WWP2: variants seen among roughly 807,000 people sequenced by gnomAD.
WWP2 encodes the protein WW domain containing E3 ubiquitin protein ligase 2, also known as NEDD4-like E3 ubiquitin-protein ligase WWP2.
WWP2 carries 57 observed loss-of-function variants against 121.0 expected under a neutral mutation model. The ratio of observed to expected loss-of-function variants is 0.47; its 90% CI spans 0.38 to 0.59. The LOEUF is 0.59. WWP2 is among the 20% of genes least tolerant of loss of function. WWP2 has a pLI of 0.00. For missense variants in WWP2, 962 were observed against 1,158.9 expected (o/e 0.83, Z 2.47); for synonymous variants, 449 against 441.3 (o/e 1.02, Z -0.22).
At chr16:69,860,319 A>T (rs1464310015) in intron 6 of WWP2, among the ~76,000 whole-genome samples, 2 of 152,176 alleles carry the variant, frequency 1.3e-5, no homozygotes, top group Non-Finnish European at 2.9e-5. Context: ...CATTCAACAG[A>T]TATTTCCTGA....
rs183123444 is a variant in WWP2 at position 69,852,522 on chromosome 16, C to T, written c.575+10402C>T. Among the ~76,000 whole-genome samples the T allele has an allele frequency of 2.0e-4, 31 of 152,324 alleles. 1 individual carries two copies. The highest frequency in any genetic ancestry group is 3.4e-3 in the Middle Eastern group (1 of 294). ...CTCCTGACCTCAGGTGATCCGCCCA[C>T]CTCGGCCTCCCAAAGTGCTGGGATT... is the stretch of plus-strand genomic sequence containing the variant. On this transcript the variant is annotated intron_variant, in intron 6 of 23. Coordinates refer to ENST00000359154, the MANE Select transcript of WWP2 (RefSeq NM_001270454.2).
At chr16:69,828,938 T>G (rs1168940014) in intron 4 of WWP2, among the ~76,000 whole-genome samples, 1 of 152,200 alleles carries the variant, frequency 6.6e-6, no homozygotes, top group African/African-American at 2.4e-5. Flanking sequence ...GGTGTTTCCC[T>G]GTGGTGTTCC....
intron 9 of WWP2, among the ~76,000 whole-genome samples, chr16:69,916,755 G>A (rs1391276969): frequency 6.6e-6 from 1 of 152,130 alleles, no homozygotes; most frequent in African/African-American, 2.4e-5. Context: ...GTGACAGCTG[G>A]TCATGAAGGT....
intron 4 of WWP2, among the ~76,000 whole-genome samples, chr16:69,821,398 A>G (rs1266999759): frequency 6.6e-6 from 1 of 152,186 alleles, no homozygotes; most frequent in African/African-American, 2.4e-5. Context: ...GAATGTTCCA[A>G]CAATCCTGCA....
At chr16:69,844,102 A>G (rs2057026481) in intron 6 of WWP2, among the ~76,000 whole-genome samples, 1 of 152,044 alleles carries the variant, frequency 6.6e-6, no homozygotes, top group Non-Finnish European at 1.5e-5. Context: ...TTAGAAGCAG[A>G]GATGCCATTT....
Position 69,837,471 on chromosome 16 carries a change from G to A in WWP2, c.341-2655G>A, listed in dbSNP as rs2056897755. Among the ~76,000 whole-genome samples the A allele has an allele frequency of 2.0e-5, 3 of 152,306 alleles. No individual in the cohort carries two copies. The South Asian group carries it at 6.2e-4, about 32-fold the overall frequency. On this transcript the variant is annotated intron_variant, in intron 4 of 23. Coordinates refer to ENST00000359154, the MANE Select transcript of WWP2 (RefSeq NM_001270454.2). ...CTGGAGACAATGAGTAGATAAACCA[G>A]ATAGAAGAGCTAACTTGGATCCCTG...
At chr16:69,829,876 A>G (rs78586868) in intron 4 of WWP2, among the ~76,000 whole-genome samples, 175 of 152,168 alleles carry the variant, frequency 1.2e-3, no homozygotes, top group African/African-American at 4.1e-3. Context: ...ATGTTACTTG[A>G]ACCTCCTGGG....
Position 69,939,691 on chromosome 16 carries a change from A to G in WWP2, c.2514-150A>G, listed in dbSNP as rs779982171. On this transcript the variant is annotated intron_variant, in intron 23 of 23. Coordinates refer to ENST00000359154, the MANE Select transcript of WWP2 (RefSeq NM_001270454.2). ...CCCCTCCCTTAACACCCCATGGTCC[A>G]GGCACCTGCAATGTGAAGGCCTGAC... 1.2e-5 allele frequency: 9 copies of G among 743,268 alleles called. No homozygotes were observed. In the Admixed American group the frequency reaches 2.6e-4, roughly 22 times the overall value. The allele number at this position is 743,268 out of a possible 1,614,324, so 46.0% of individuals were successfully genotyped here.
intron 7 of WWP2, among the ~76,000 whole-genome samples, chr16:69,880,523 T>C (rs940168704): frequency 6.6e-6 from 1 of 152,228 alleles, no homozygotes; most frequent in Non-Finnish European, 1.5e-5. Context: ...TTCATCTGTA[T>C]ATACACCGGG....
chr16:69,828,198 T>C (rs74464373), intron 4 of WWP2, among the ~76,000 whole-genome samples: 6,794 of 152,118 alleles, frequency 0.045, 180 homozygotes, highest in South Asian at 0.079. Flanking sequence ...AATGAGGACA[T>C]GAGTGCCCAA....
intron 1 of WWP2, among the ~76,000 whole-genome samples, chr16:69,775,746 C>G (rs1431896222): frequency 1.3e-5 from 2 of 152,168 alleles, no homozygotes; most frequent in Non-Finnish European, 2.9e-5. Context: ...CATTGACCTT[C>G]TTCCTGCTGA....
rs185006732 is a variant in WWP2, at chr16:69,795,854, C to T, written c.71-2828C>T. On this transcript the variant is annotated intron_variant, in intron 2 of 23. Coordinates refer to ENST00000359154, the MANE Select transcript of WWP2 (RefSeq NM_001270454.2). ...GTAGAGACAGGGTTTAGCCATGTTG[C>T]CCAGGCTGGTCTCAAACTCCTGGCC... 3.1e-3 allele frequency among the ~76,000 whole-genome samples: 464 copies of T among 151,418 alleles called. 4 individuals carry two copies. The highest frequency in any genetic ancestry group is 0.01 in the African/African-American group (426 of 41,294).
intron 9 of WWP2, among the ~76,000 whole-genome samples, chr16:69,915,758 G>A (rs2058470829): frequency 6.6e-6 from 1 of 152,098 alleles, no homozygotes. Context: ...TTCGGGCCGG[G>A]TGCAGGGGCT....
intron 7 of WWP2, among the ~76,000 whole-genome samples, chr16:69,873,802 A>G (rs1258045360): frequency 6.6e-6 from 1 of 152,110 alleles, no homozygotes; most frequent in South Asian, 2.1e-4. Flanking sequence ...TGTTATTGAG[A>G]TCATGGTTTC....
At chr16:69,833,206 A>G (rs748650942) in intron 4 of WWP2, among the ~76,000 whole-genome samples, 3 of 152,226 alleles carry the variant, frequency 2.0e-5, no homozygotes, top group Non-Finnish European at 4.4e-5. Context: ...CAAGATTGAT[A>G]TATCTTTTCA....
intron 9 of WWP2, among the ~76,000 whole-genome samples, chr16:69,910,731 C>G (rs538937836): frequency 2.4e-4 from 37 of 152,242 alleles, no homozygotes; most frequent in African/African-American, 8.9e-4. Context: ...TTCTTAACCT[C>G]TCTTGTCTAG....
At chr16:69,837,016 C>T (rs536058369) in intron 4 of WWP2, among the ~76,000 whole-genome samples, 11 of 152,278 alleles carry the variant, frequency 7.2e-5, no homozygotes, top group Admixed American at 5.2e-4. Flanking sequence ...CTCGACCTCC[C>T]GGGCTCAGGT....
chr16:69,820,444 A>T (rs548737716), intron 4 of WWP2, among the ~76,000 whole-genome samples: 7,880 of 94,262 alleles, frequency 0.084, 530 homozygotes, highest in South Asian at 0.13. Context: ...GGATTTCACC[A>T]TGTTGGCCAG....
At chr16:69,912,259 T>G (rs2058389150) in intron 9 of WWP2, among the ~76,000 whole-genome samples, 1 of 150,946 alleles carries the variant, frequency 6.6e-6, no homozygotes, top group Admixed American at 6.6e-5. Flanking sequence ...ACTGCACCAC[T>G]CTAGCCTGGA....
Sources: gnomAD v4.1 joint callset for allele counts (sites outside exome capture counted in the v4.1 genomes callset) on GRCh38, gnomAD v4.1.1 for gene constraint, MANE v1.5 for transcripts, NCBI Gene and HGNC (gene_info 2026-07-23, HGNC 2026-07-21) for gene names.